NSL1: variants seen among roughly 807,000 people sequenced by gnomAD.
The protein encoded by NSL1 is NSL1 component of MIS12 kinetochore complex, also known as kinetochore-associated protein NSL1 homolog.
NSL1 carries 11 observed loss-of-function variants against 25.4 expected under a neutral mutation model. The observed-to-expected ratio is 0.43, with a 90% CI of 0.27 to 0.72. The LOEUF is 0.72. NSL1 is among the 30% of genes least tolerant of loss of function. The pLI, the probability that NSL1 is intolerant of heterozygous loss-of-function variation, is 0.19. For synonymous variants in NSL1, 118 were observed against 120.6 expected (o/e 0.98, Z 0.14); for missense variants, 330 against 342.7 (o/e 0.96, Z 0.29).
In NSL1 at chr1:212,732,643, T is replaced by C; in HGVS notation, c.*5765A>G. The C allele has an allele frequency of 1.0e-6, 1 of 985,382 alleles. No homozygotes were observed. Among genetic ancestry groups the C allele is most frequent in the Non-Finnish European group, 1.2e-6 (1 of 829,912 alleles). The allele number at this position is 985,382 out of a possible 1,614,324, so 61.0% of individuals were successfully genotyped here. A position where few individuals can be genotyped will look rare whatever the true frequency, so the allele number is the denominator to read the frequency against. On this transcript the variant is annotated 3_prime_UTR_variant, in exon 6 of 6. Transcript: ENST00000366977. ...CTGCCTAGTCTCCAAATCTGCTGAT[T>C]AGTTAGTAGCCTGTAGACTCGAGTG...
rs1657808176 is a variant in NSL1, at chr1:212,726,796, G to A, written c.*11612C>T. 8.5e-6 allele frequency: 2 copies of A among 234,414 alleles called. No homozygotes were observed. Among genetic ancestry groups the A allele is most frequent in the East Asian group, 8.4e-5 (1 of 11,938 alleles). 14.5% of individuals were successfully genotyped at this position (234,414 alleles called of 1,614,324 possible). A position where few individuals can be genotyped will look rare whatever the true frequency, so the allele number is the denominator to read the frequency against. On this transcript the variant is annotated 3_prime_UTR_variant, in exon 6 of 6. Transcript: ENST00000366977. ...ATGAGAGGCTGCCAGCCACCTCGGT[G>A]GGGTCCTCCCACAATCCTCCATGTG...
At position 212,731,105 on chromosome 1, in the gene NSL1, C is replaced by T. The variant is rs1657995187; in HGVS notation, c.*7303G>A. The T allele has an allele frequency of 2.0e-6, 2 of 984,392 alleles. No individual in the cohort carries two copies. The highest frequency in any genetic ancestry group is 3.5e-5 in the African/African-American group (2 of 57,060). The allele number at this position is 984,392 out of a possible 1,614,324, so 61.0% of individuals were successfully genotyped here. A position where few individuals can be genotyped will look rare whatever the true frequency, so the allele number is the denominator to read the frequency against. On this transcript the variant is annotated 3_prime_UTR_variant, in exon 6 of 6. Transcript: ENST00000366977. The stretch of plus-strand genomic sequence containing the variant: ...ATATAAAATCCCCAAGAACCCCCTT[C>T]AGTGGTTCTCTAGAGAGATATTTTT...
At chr1:212,779,090 C>CA (rs1660537871) in intron 4 of NSL1, among the ~76,000 whole-genome samples, 1 of 151,376 alleles carries the variant, frequency 6.6e-6, no homozygotes, top group Non-Finnish European at 1.5e-5. Flanking sequence ...TCTGCCCGGC[C>CA]GCCCCGTCTG....
intron 4 of NSL1, among the ~76,000 whole-genome samples, chr1:212,779,879 TG>T (rs1321931028): frequency 3.6e-5 from 4 of 109,824 alleles, no homozygotes; most frequent in African/African-American, 1.1e-4. Context: ...GGGAGGGAGG[TG>T]GGGGGGTCAG....
Position 212,728,705 on chromosome 1 carries a change from G to A in NSL1, c.*9703C>T, listed in dbSNP as rs1657886362. The A allele has an allele frequency of 1.0e-6, 1 of 985,336 alleles. No homozygotes were observed. Among genetic ancestry groups the A allele is most frequent in the Non-Finnish European group, 1.2e-6 (1 of 829,946 alleles). The allele number at this position is 985,336 out of a possible 1,614,324, so 61.0% of individuals were successfully genotyped here. ...CCATTTGGTGAGATCTCTGGAGAAT[G>A]GAACACCTTCACAGACAACATCAGG... On this transcript the variant is annotated 3_prime_UTR_variant, in exon 6 of 6. Transcript: ENST00000366977.
Position 212,727,543 on chromosome 1 carries a change from A to C in NSL1, c.*10865T>G. The C allele has an allele frequency of 1.0e-6, 1 of 985,452 alleles. No homozygotes were observed. Among genetic ancestry groups the C allele is most frequent in the Non-Finnish European group, 1.2e-6 (1 of 829,930 alleles). The allele number at this position is 985,452 out of a possible 1,614,324, so 61.0% of individuals were successfully genotyped here. A position where few individuals can be genotyped will look rare whatever the true frequency, so the allele number is the denominator to read the frequency against. On this transcript the variant is annotated 3_prime_UTR_variant, in exon 6 of 6. Coordinates refer to ENST00000366977, the MANE Select transcript of NSL1 (RefSeq NM_015471.4). ...ATACCACTGGAGAGAAAGGACAATGAATTAGACGTGTGCCACATACTTCTC... is the reference window on the plus strand; with the variant it reads ...ATACCACTGGAGAGAAAGGACAATGCATTAGACGTGTGCCACATACTTCTC...
In NSL1 at chr1:212,727,179, C is replaced by T. The variant is rs747842089; in HGVS notation, c.*11229G>A. 2.6e-6 allele frequency: 4 copies of T among 1,561,778 alleles called. No homozygotes were observed. Among genetic ancestry groups the T allele is most frequent in the Non-Finnish European group, 3.5e-6 (4 of 1,154,076 alleles). ...TAGAGCTAGTCCACCAGGCTTGGCT[C>T]CTAATGTGTTAAATGGGGGTGAATG... On this transcript the variant is annotated 3_prime_UTR_variant, in exon 6 of 6. Coordinates refer to ENST00000366977, the MANE Select transcript of NSL1 (RefSeq NM_015471.4).
At chr1:212,753,779 G>A (rs1659173190) in intron 4 of NSL1, among the ~76,000 whole-genome samples, 1 of 152,148 alleles carries the variant, frequency 6.6e-6, no homozygotes, top group African/African-American at 2.4e-5. Context: ...TTGTGAGAGA[G>A]CATAAACAAG....
rs767399245 is a variant in NSL1, at chr1:212,791,525, C to A, written c.234+5G>T. On this transcript the variant is annotated splice_donor_5th_base_variant and intron_variant, in intron 1 of 5. Coordinates refer to ENST00000366977, the MANE Select transcript of NSL1 (RefSeq NM_015471.4). ...GAGTAAAGAACTGGCTAACTGGTCC[C>A]GTACCCACTGCGCATCTCGCAGAGC... is the stretch of plus-strand genomic sequence containing the variant. 2 of 1,612,002 alleles carry A rather than the reference C, an allele frequency of 1.2e-6. No individual in the cohort carries two copies. The highest frequency in any genetic ancestry group is 2.2e-5 in the South Asian group (2 of 90,904).
rs1250404879 is a variant in NSL1 at position 212,738,463 on chromosome 1, C to T, written c.791G>A (p.Cys264Tyr). 3 of 1,613,820 alleles carry T rather than the reference C, an allele frequency of 1.9e-6. No homozygotes were observed. In the African/African-American group the frequency reaches 4.0e-5, roughly 22 times the overall value. ...MVLKRKQTKD[C>Y]PQRKWYPLRP... ...CAATGGATACCATTTTCTCTGGGGG[C>T]AGTCTTTAGTTTGCTTTCTTTTCAG... Residue 264 changes from cysteine (C) to tyrosine (Y), a missense_variant, in exon 6 of 6, where the codon TGC (cysteine) becomes TAC (tyrosine). Cys to Tyr is a radical substitution (Grantham distance 194). Transcript: ENST00000366977.
rs376958683 is a variant in NSL1, at chr1:212,754,637, C to T, written c.500-15036G>A. Among the ~76,000 whole-genome samples, 102 of 151,806 alleles carry T rather than the reference C, an allele frequency of 6.7e-4. 1 individual carries two copies. In the South Asian group the frequency reaches 0.019, roughly 28 times the overall value. On this transcript the variant is annotated intron_variant, in intron 4 of 5. Coordinates refer to ENST00000366977, the MANE Select transcript of NSL1 (RefSeq NM_015471.4). ...ACTAAAAATACAAAAATTATCCGGG[C>T]GTGGTGGTGGGCACCTGTAATCCCA...
At chr1:212,743,223 G>A (rs1658587326) in intron 4 of NSL1, among the ~76,000 whole-genome samples, 3 of 151,860 alleles carry the variant, frequency 2.0e-5, no homozygotes, top group Non-Finnish European at 4.4e-5. Flanking sequence ...CGAGTGCAGT[G>A]GTGCGATCTC....
At chr1:212,759,799 TAC>T (rs1659476604) in intron 4 of NSL1, among the ~76,000 whole-genome samples, 2 of 152,028 alleles carry the variant, frequency 1.3e-5, no homozygotes, top group Non-Finnish European at 2.9e-5. Flanking sequence ...CACTCTAGCC[TAC>T]ACAGTGTCCT....
rs554967004 is a variant in NSL1, at chr1:212,749,144, T to G, written c.500-9543A>C. Among the ~76,000 whole-genome samples the G allele has an allele frequency of 2.0e-5, 3 of 152,240 alleles. No individual in the cohort carries two copies. In the South Asian group the frequency reaches 6.2e-4, roughly 32 times the overall value. On this transcript the variant is annotated intron_variant, in intron 4 of 5. Coordinates refer to ENST00000366977, the MANE Select transcript of NSL1 (RefSeq NM_015471.4). ...GTAAATAAATTCATAAAGCTGTGCA[T>G]TATATGTTATACTGCAATATATGTG...
In NSL1 at chr1:212,730,748, G is replaced by A. The variant is rs180903369; in HGVS notation, c.*7660C>T. ...GGAATTAGACTTAGTTCTAGTAGAC[G>A]TAGTTCTAGTAGACAGGAGACTCTG... On this transcript the variant is annotated 3_prime_UTR_variant, in exon 6 of 6. Transcript: ENST00000366977. The A allele has an allele frequency of 1.3e-5, 13 of 985,346 alleles. No individual in the cohort carries two copies. The highest frequency in any genetic ancestry group is 4.7e-5 in the South Asian group (1 of 21,292). 61.0% of individuals were successfully genotyped at this position (985,346 alleles called of 1,614,324 possible).
intron 4 of NSL1, among the ~76,000 whole-genome samples, chr1:212,740,925 A>C (rs905041692): frequency 3.3e-5 from 5 of 152,228 alleles, no homozygotes; most frequent in African/African-American, 1.2e-4. Flanking sequence ...AGGTATCTAC[A>C]ACAACAGAAA....
intron 4 of NSL1, among the ~76,000 whole-genome samples, chr1:212,753,514 CTTAT>C (rs1162071486): frequency 1.3e-5 from 2 of 152,144 alleles, no homozygotes; most frequent in Non-Finnish European, 2.9e-5. Context: ...ACTGATGTCA[CTTAT>C]TTATTTTTAT....
intron 4 of NSL1, among the ~76,000 whole-genome samples, chr1:212,746,190 C>T (rs1362881634): frequency 6.6e-6 from 1 of 151,940 alleles, no homozygotes; most frequent in Non-Finnish European, 1.5e-5. Context: ...ATTTAAAAGA[C>T]AAATGCATCA....
chr1:212,763,397 A>C (rs11120018), intron 4 of NSL1, among the ~76,000 whole-genome samples: 1 of 152,028 alleles, frequency 6.6e-6, no homozygotes, highest in African/African-American at 2.4e-5. Flanking sequence ...AAAGTATCTA[A>C]GTAACAACTA....
Sources: allele counts gnomAD v4.1 joint callset (sites outside exome capture counted in the v4.1 genomes callset), GRCh38; gene constraint gnomAD v4.1.1; transcripts MANE v1.5; gene names NCBI Gene and HGNC (gene_info 2026-07-23, HGNC 2026-07-21).